The following ST6GAL1 variants were observed in gnomAD, a reference collection of about 807,000 sequenced individuals.
The protein encoded by ST6GAL1 is ST6 beta-galactoside alpha-2,6-sialyltransferase 1.
Under a neutral mutation model 38.0 loss-of-function variants are expected in ST6GAL1, and 20 were observed. The ratio of observed to expected loss-of-function variants is 0.53; its 90% CI spans 0.37 to 0.77. The LOEUF (loss-of-function observed/expected upper bound fraction) is 0.77, where lower values mean the gene tolerates loss of function less well. ST6GAL1 is among the 30% of genes least tolerant of loss of function. The probability of loss-of-function intolerance (pLI) is 0.00; values close to 1 mark genes in which losing one functional copy is unlikely to be tolerated. For missense variants in ST6GAL1, 432 were observed against 496.4 expected (o/e 0.87, Z 1.23); for synonymous variants, 196 against 188.2 (o/e 1.04, Z -0.34).
At chr3:187,052,759 C>T (rs1357650607) in intron 5 of ST6GAL1, among the ~76,000 whole-genome samples, 1 of 152,140 alleles carries the variant, frequency 6.6e-6, no homozygotes. Context: ...AATAAGCATA[C>T]GTGTGCATGT....
At position 186,944,935 on chromosome 3, in the gene ST6GAL1, A is replaced by G. The variant is rs563646104; in HGVS notation, c.-325+14101A>G. 9.5e-4 allele frequency among the ~76,000 whole-genome samples: 144 copies of G among 152,346 alleles called. 1 individual carries two copies. The highest frequency in any genetic ancestry group is 3.4e-3 in the African/African-American group (141 of 41,580). On this transcript the variant is annotated intron_variant, in intron 1 of 7. Transcript: ENST00000169298. ...CTTCTTAAAACTCAGTTTTGGGGAA[A>G]GCTTTCTACTACTGAAAGGAAAACC...
chr3:186,978,911 C>T (rs1715604418), intron 2 of ST6GAL1, among the ~76,000 whole-genome samples: 1 of 151,694 alleles, frequency 6.6e-6, no homozygotes, highest in Non-Finnish European at 1.5e-5. Context: ...CCTTGCTCTG[C>T]TTGGTGAACT....
chr3:187,020,708 A>G (rs577220427), intron 2 of ST6GAL1, among the ~76,000 whole-genome samples: 4 of 152,350 alleles, frequency 2.6e-5, no homozygotes. Flanking sequence ...ATTCTGTAAA[A>G]TATTTTCAAG....
At chr3:186,944,985 T>C (rs1336099773) in intron 1 of ST6GAL1, among the ~76,000 whole-genome samples, 1 of 152,208 alleles carries the variant, frequency 6.6e-6, no homozygotes, top group Non-Finnish European at 1.5e-5. Context: ...AACTAGTATC[T>C]GCTTTAAGGG....
Position 186,952,313 on chromosome 3 carries a change from C to G in ST6GAL1, c.-324-11472C>G, listed in dbSNP as rs1714604716. 6.6e-6 allele frequency among the ~76,000 whole-genome samples: 1 copy of G among 152,106 alleles called. No individual in the cohort carries two copies. The highest frequency in any genetic ancestry group is 1.5e-5 in the Non-Finnish European group (1 of 68,030). On this transcript the variant is annotated intron_variant, in intron 1 of 7. Transcript: ENST00000169298. The surrounding 1 kb of genome is among the most constrained non-coding windows in gnomAD (Gnocchi z 4.1). ...TCAGGCTCACCAGTATCCTCTCTTG[C>G]CAAATCCAGTGGTCAGATCTCAGTC... is the stretch of plus-strand genomic sequence containing the variant.
chr3:187,070,476 G>A (rs1719325651), intron 5 of ST6GAL1, among the ~76,000 whole-genome samples: 1 of 145,942 alleles, frequency 6.9e-6, no homozygotes, highest in Non-Finnish European at 1.5e-5. Context: ...CCAGGCTGGA[G>A]TGCAGTGGTG....
intron 1 of ST6GAL1, among the ~76,000 whole-genome samples, chr3:186,932,117 G>A (rs1210364753): frequency 6.8e-6 from 1 of 146,262 alleles, no homozygotes; most frequent in Non-Finnish European, 1.5e-5. Flanking sequence ...ACCTTGGCTA[G>A]TGTGGCTGAA....
intron 2 of ST6GAL1, among the ~76,000 whole-genome samples, chr3:186,978,516 G>A (rs1715590784): frequency 6.6e-6 from 1 of 152,186 alleles, no homozygotes; most frequent in South Asian, 2.1e-4. Context: ...GGGGTTAGCT[G>A]GGTGGATGGT....
rs1453283157 is a variant in ST6GAL1, at chr3:186,952,793, C to T, written c.-324-10992C>T. Among the ~76,000 whole-genome samples the T allele has an allele frequency of 1.3e-5, 2 of 152,174 alleles. No individual in the cohort carries two copies. Among genetic ancestry groups the T allele is most frequent in the Non-Finnish European group, 2.9e-5 (2 of 68,044 alleles). On this transcript the variant is annotated intron_variant, in intron 1 of 7. Coordinates refer to ENST00000169298, the MANE Select transcript of ST6GAL1 (RefSeq NM_173216.2). This position sits in a 1 kb window ranked among gnomAD's most constrained non-coding sequence, Gnocchi z 4.1. The stretch of plus-strand genomic sequence containing the variant: ...GTTCCATGCTCAGATATTCAACCAT[C>T]TACTTGACAAGTTTCCTTAGACATC...
chr3:187,021,374 T>C (rs546547878), intron 2 of ST6GAL1, among the ~76,000 whole-genome samples: 1 of 152,318 alleles, frequency 6.6e-6, no homozygotes, highest in Non-Finnish European at 1.5e-5. Context: ...AGAAACAGTC[T>C]CTCTCCTGCC....
chr3:186,933,010 G>A (rs1276465848), intron 1 of ST6GAL1, among the ~76,000 whole-genome samples: 1 of 152,198 alleles, frequency 6.6e-6, no homozygotes, highest in Non-Finnish European at 1.5e-5. Flanking sequence ...CAGGTACCCG[G>A]TGAAACCCCC....
At chr3:186,984,434 G>T (rs1715796042) in intron 2 of ST6GAL1, among the ~76,000 whole-genome samples, 1 of 152,092 alleles carries the variant, frequency 6.6e-6, no homozygotes, top group Admixed American at 6.5e-5. Flanking sequence ...CAAAGGCCCT[G>T]CCCAGACTCC....
At chr3:187,064,709 C>T (rs371104919) in intron 5 of ST6GAL1, 43 of 444,754 alleles carry the variant, frequency 9.7e-5, no homozygotes, top group East Asian at 8.4e-4. Flanking sequence ...CATGACAGCA[C>T]TTGTGGTGGT....
intron 1 of ST6GAL1, among the ~76,000 whole-genome samples, chr3:186,963,085 A>G (rs957005574): frequency 2.0e-5 from 3 of 152,228 alleles, no homozygotes; most frequent in African/African-American, 7.2e-5. Flanking sequence ...TAGATTGAAC[A>G]TACTTTTTCT....
chr3:186,972,976 A>G (rs1715399612), intron 2 of ST6GAL1, among the ~76,000 whole-genome samples: 1 of 152,184 alleles, frequency 6.6e-6, no homozygotes, highest in Non-Finnish European at 1.5e-5. Flanking sequence ...TGGGCTCCCC[A>G]GTTGTGAGTG....
At chr3:187,039,035 C>T (rs1011438694) in intron 3 of ST6GAL1, among the ~76,000 whole-genome samples, 162 bp downstream of exon 3, 1 of 152,166 alleles carries the variant, frequency 6.6e-6, no homozygotes, top group Non-Finnish European at 1.5e-5. Flanking sequence ...ACTGCTGATT[C>T]AATGTGGGTT....
At chr3:186,943,712 T>C (rs113416438) in intron 1 of ST6GAL1, among the ~76,000 whole-genome samples, 50,996 of 152,076 alleles carry the variant, frequency 0.34, 8,611 homozygotes, top group Middle Eastern at 0.42. Flanking sequence ...CCTCCCAAAG[T>C]GCTGGGATTA....
intron 2 of ST6GAL1, among the ~76,000 whole-genome samples, chr3:187,032,083 C>T (rs1717772339): frequency 6.6e-6 from 1 of 152,208 alleles, no homozygotes. Flanking sequence ...GCTGCTATCT[C>T]ATCAGCAGCA....
intron 1 of ST6GAL1, among the ~76,000 whole-genome samples, chr3:186,946,828 C>T (rs755108812): frequency 2.6e-5 from 4 of 152,004 alleles, no homozygotes; most frequent in Non-Finnish European, 5.9e-5. Context: ...AGAGTGGGAA[C>T]GGAGATACAG....
Sources: allele counts gnomAD v4.1 joint callset (sites outside exome capture counted in the v4.1 genomes callset), GRCh38; gene constraint gnomAD v4.1.1; non-coding constraint Gnocchi (gnomAD v3.1); transcripts MANE v1.5; gene names NCBI Gene and HGNC (gene_info 2026-07-23, HGNC 2026-07-21).